The following PIGN variants were observed in gnomAD, a reference collection of about 807,000 sequenced individuals.
PIGN encodes the protein phosphatidylinositol glycan anchor biosynthesis class N.
A neutral mutation model predicts 125.4 loss-of-function variants in PIGN; 117 were observed. The ratio of observed to expected loss-of-function variants is 0.93; its 90% CI spans 0.80 to 1.09. The LOEUF (loss-of-function observed/expected upper bound fraction) is 1.09, where lower values mean the gene tolerates loss of function less well. Among genes scored for constraint, PIGN ranks in the 50% least tolerant of loss-of-function variants. PIGN has a pLI of 0.00. For missense variants in PIGN, 1,075 were observed against 1,094.9 expected, an observed-to-expected ratio of 0.98 and a Z score of 0.26; for synonymous variants, 392 against 377.8, an observed-to-expected ratio of 1.04 and a Z score of -0.44.
chr18:62,102,732 A>T, intron 21 of PIGN, 62 bp downstream of exon 21: 1 of 721,612 alleles, frequency 1.4e-6, no homozygotes, highest in Non-Finnish European at 2.2e-6. Context: ...AATTAAATAT[A>T]ACCATAAGAC....
intron 28 of PIGN, among the ~76,000 whole-genome samples, chr18:62,079,826 A>T (rs2033361983): frequency 6.6e-6 from 1 of 151,950 alleles, no homozygotes; most frequent in Non-Finnish European, 1.5e-5. Flanking sequence ...TAAATTAAAA[A>T]TCAAAATAGA....
chr18:62,122,274 G>A (rs1158350456), intron 14 of PIGN, among the ~76,000 whole-genome samples: 1 of 152,032 alleles, frequency 6.6e-6, no homozygotes, highest in Admixed American at 6.6e-5. Context: ...TTATATGAAT[G>A]TATCATGTAC....
intron 14 of PIGN, among the ~76,000 whole-genome samples, chr18:62,124,502 T>C (rs1235645058): frequency 1.3e-5 from 2 of 152,140 alleles, no homozygotes; most frequent in African/African-American, 2.4e-5. Flanking sequence ...AGGTTTATTA[T>C]CTCTAAAGTG....
intron 1 of PIGN, among the ~76,000 whole-genome samples, chr18:62,180,139 T>G (rs969459808): frequency 6.6e-6 from 1 of 152,208 alleles, no homozygotes; most frequent in Admixed American, 6.5e-5. Context: ...AATAATTTCA[T>G]GGACTGCAAT....
intron 29 of PIGN, 135 bp from the exon 30 acceptor site, chr18:62,072,860 G>A: frequency 1.8e-6 from 1 of 559,768 alleles, no homozygotes. Context: ...ACAAGAATAT[G>A]TCATTTACTG....
intron 20 of PIGN, among the ~76,000 whole-genome samples, chr18:62,104,557 T>C (rs1202137982): frequency 1.3e-5 from 2 of 152,206 alleles, no homozygotes; most frequent in African/African-American, 4.8e-5. Flanking sequence ...AGTATGGTGT[T>C]AGAATTCAAT....
At chr18:62,179,820 T>C (rs2147960520) in intron 1 of PIGN, among the ~76,000 whole-genome samples, 1 of 152,286 alleles carries the variant, frequency 6.6e-6, no homozygotes, top group Non-Finnish European at 1.5e-5. Context: ...ATAATCATCA[T>C]CATTTCCACT....
intron 14 of PIGN, chr18:62,137,386 G>A (rs1381258440): frequency 8.9e-6 from 3 of 337,940 alleles, no homozygotes; most frequent in East Asian, 4.5e-5. Flanking sequence ...ATTCTGGGAC[G>A]TCACCTTGTG....
downstream of PIGN, among the ~76,000 whole-genome samples, chr18:62,040,674 A>G (rs757306935): frequency 5.9e-5 from 9 of 152,228 alleles, no homozygotes; most frequent in Non-Finnish European, 1.0e-4. Context: ...TGTATCAGGC[A>G]AATCAGGATT....
rs1258691147 is a variant in PIGN at position 62,063,395 on chromosome 18, T to C, written c.2672+9278A>G. Among the ~76,000 whole-genome samples, 4 of 60,666 alleles carry C rather than the reference T, an allele frequency of 6.6e-5. No individual in the cohort carries two copies. The East Asian group carries it at 2.7e-3, about 42-fold the overall frequency. 39.8% of individuals were successfully genotyped at this position (60,666 alleles called of 152,430 possible). Reference sequence around the variant, plus strand: ...ATTTTAGCCAAAATCTATGGTTTTATAGATTTTAGCCAAAATCTATGGTTT... The same window carrying C: ...ATTTTAGCCAAAATCTATGGTTTTACAGATTTTAGCCAAAATCTATGGTTT... On this transcript the variant is annotated intron_variant, in intron 30 of 30. Coordinates refer to ENST00000640252, the MANE Select transcript of PIGN (RefSeq NM_176787.5).
intron 1 of PIGN, among the ~76,000 whole-genome samples, chr18:62,175,619 T>A (rs770582576): frequency 5.3e-5 from 8 of 152,160 alleles, no homozygotes; most frequent in Non-Finnish European, 1.2e-4. Context: ...CCCAAAGTGC[T>A]GGGATTACAG....
At chr18:62,038,967 C>A (rs1176938716), downstream of PIGN, among the ~76,000 whole-genome samples, 3 of 149,540 alleles carry the variant, frequency 2.0e-5, no homozygotes, top group East Asian at 3.9e-4. Context: ...ATAATAGCTA[C>A]AATAATTGAT....
At chr18:62,136,231 T>C (rs976071767) in intron 14 of PIGN, 2 of 152,214 alleles carry the variant, frequency 1.3e-5, no homozygotes, top group South Asian at 2.1e-4. Context: ...CAATTTTATA[T>C]GATTATAACT....
At chr18:62,056,054 T>TAAAA (rs766579368) in intron 30 of PIGN, among the ~76,000 whole-genome samples, 15 of 97,930 alleles carry the variant, frequency 1.5e-4, no homozygotes, top group African/African-American at 4.9e-4. Flanking sequence ...TTTTTGCCAC[T>TAAAA]AAAAAAAAAA....
intron 28 of PIGN, among the ~76,000 whole-genome samples, chr18:62,077,205 C>T (rs369450667): frequency 1.6e-4 from 25 of 152,170 alleles, no homozygotes; most frequent in African/African-American, 5.8e-4. Context: ...TGGCGAAAAC[C>T]CGGCTCTACT....
chr18:62,153,535 T>C (rs2036612489), intron 7 of PIGN: 1 of 152,180 alleles, frequency 6.6e-6, no homozygotes. Flanking sequence ...AAGGATTTCA[T>C]GCAGATATTA....
chr18:62,102,935 T>G, intron 20 of PIGN, 33 bp from the exon 21 acceptor site: 1 of 1,267,674 alleles, frequency 7.9e-7, no homozygotes, highest in Non-Finnish European at 1.1e-6. Flanking sequence ...TTAAATTTTC[T>G]TCAGATATTT....
chr18:62,131,294 A>C (rs2035727632), intron 14 of PIGN, among the ~76,000 whole-genome samples: 1 of 152,268 alleles, frequency 6.6e-6, no homozygotes, highest in African/African-American at 2.4e-5. Context: ...TTGGCAAGGT[A>C]TATATCCCCT....
intron 23 of PIGN, among the ~76,000 whole-genome samples, chr18:62,021,032 C>T (rs902141544): frequency 6.6e-6 from 1 of 151,670 alleles, no homozygotes; most frequent in African/African-American, 2.4e-5. Flanking sequence ...AACTGGGACT[C>T]TCATATTCTT....
Sources: allele counts gnomAD v4.1 joint callset (sites outside exome capture counted in the v4.1 genomes callset), GRCh38; gene constraint gnomAD v4.1.1; transcripts MANE v1.5; gene names NCBI Gene and HGNC (gene_info 2026-07-23, HGNC 2026-07-21).